Variants in RGR observed in about 807,000 individuals in gnomAD.
RGR encodes the protein retinal G protein coupled receptor, also known as RPE-retinal G protein-coupled receptor.
A neutral mutation model predicts 28.6 loss-of-function variants in RGR; 30 were observed. The ratio of observed to expected loss-of-function variants is 1.05; its 90% CI spans 0.78 to 1.42. RGR has a LOEUF of 1.42. Among genes scored for constraint, RGR ranks in the 40% most tolerant of loss-of-function variants. RGR has a pLI of 0.00. For synonymous variants in RGR, 180 were observed against 156.4 expected (o/e 1.15, Z -1.13); for missense variants, 404 against 375.6 (o/e 1.08, Z -0.62).
intron 3 of RGR, chr10:84,250,663 A>AAAGGGGAAT: frequency 1.9e-6 from 1 of 536,798 alleles, no homozygotes; most frequent in Non-Finnish European, 3.3e-6. Flanking sequence ...ATGGCAGAGC[A>AAAGGGGAAT]GTGTGAAGGC....
chr10:84,254,531 C>A, intron 5 of RGR, 88 bp downstream of exon 5: 2 of 1,063,528 alleles, frequency 1.9e-6, no homozygotes, highest in Non-Finnish European at 2.9e-6. Context: ...ATGTGACACA[C>A]ACAAACAGCA....
At chr10:84,250,491 C>T in intron 3 of RGR, 1 of 714,032 alleles carries the variant, frequency 1.4e-6, no homozygotes, top group Non-Finnish European at 2.6e-6. Context: ...CAGCCCCTGC[C>T]CCTAATGCTC....
intron 6 of RGR, 27 bp from the exon 7 acceptor site, chr10:84,258,481 C>T: frequency 6.2e-7 from 1 of 1,614,120 alleles, no homozygotes; most frequent in Non-Finnish European, 8.5e-7. Flanking sequence ...TTTGAAGCTT[C>T]TTTTCTGGAC....
chr10:84,257,759 T>G (rs1321863088), intron 5 of RGR, 134 bp from the exon 6 acceptor site: 1 of 728,984 alleles, frequency 1.4e-6, no homozygotes, highest in Non-Finnish European at 2.5e-6. Context: ...CAAGTTCCCC[T>G]GCAGACTCAG....
At chr10:84,249,406 G>T (rs1424378456) in intron 3 of RGR, among the ~76,000 whole-genome samples, 1 of 152,176 alleles carries the variant, frequency 6.6e-6, no homozygotes, top group Non-Finnish European at 1.5e-5. Flanking sequence ...TCGGCCTTCT[G>T]GTTTCAAGTG....
At chr10:84,248,688 A>T in intron 2 of RGR, 1 of 639,550 alleles carries the variant, frequency 1.6e-6, no homozygotes, top group Non-Finnish European at 2.8e-6. Context: ...GAGAGAGCCT[A>T]TGGCCCAACC....
intron 5 of RGR, among the ~76,000 whole-genome samples, chr10:84,256,578 A>G (rs1357308300): frequency 1.3e-5 from 2 of 152,056 alleles, no homozygotes; most frequent in Non-Finnish European, 1.5e-5. Flanking sequence ...GTGCAAATCT[A>G]TTTTAGCTGG....
At chr10:84,254,704 A>G (rs1247456920) in intron 5 of RGR, among the ~76,000 whole-genome samples, 3 of 152,110 alleles carry the variant, frequency 2.0e-5, no homozygotes, top group African/African-American at 7.2e-5. Flanking sequence ...AAGGCTGCCT[A>G]ATCTCTAGCC....
intron 3 of RGR, chr10:84,251,076 A>G (rs1842812142): frequency 6.6e-6 from 1 of 152,026 alleles, no homozygotes; most frequent in Non-Finnish European, 1.5e-5. Flanking sequence ...CTCTACTAAA[A>G]ATACAAGAAT....
rs1460861035 is a variant in RGR at position 84,245,083 on chromosome 10, G to A, written c.-8G>A. ...CAGCTGGGCCACTGGCAGTGAGGGA[G>A]AGTGAGGATGGCAGAGACCAGTGCC... On this transcript the variant is annotated 5_prime_UTR_variant, in exon 1 of 7. Coordinates refer to ENST00000652092, the MANE Select transcript of RGR (RefSeq NM_001012720.2). 6.2e-7 allele frequency: 1 copy of A among 1,613,470 alleles called. No individual in the cohort carries two copies. The highest frequency in any genetic ancestry group is 8.5e-7 in the Non-Finnish European group (1 of 1,179,778).
rs148991807 is a variant in RGR, at chr10:84,248,958, C to T, written c.273C>T (p.His91=). The T allele has an allele frequency of 3.4e-5, 55 of 1,614,038 alleles. No homozygotes were observed. Among genetic ancestry groups the T allele is most frequent in the Non-Finnish European group, 4.0e-5 (47 of 1,180,036 alleles). The change falls in exon 3 of 7, where the codon CAC becomes CAT. Residue 91 remains histidine (H), a synonymous_variant. Transcript: ENST00000652092. ...WPYGSDGCQA[H]GFQGFVTALA... is the part of the protein sequence containing the mutation. ...ACGGCTCGGACGGCTGCCAGGCTCA[C>T]GGCTTCCAGGGCTTTGTGACAGCGT...
In RGR at chr10:84,259,770, T is replaced by C. The variant is rs1249241247; in HGVS notation, c.*1131T>C. On this transcript the variant is annotated 3_prime_UTR_variant, in exon 7 of 7. Coordinates refer to ENST00000652092, the MANE Select transcript of RGR (RefSeq NM_001012720.2). The stretch of plus-strand genomic sequence containing the variant: ...GATTTTTTTTGTTGAGTTATTTGAG[T>C]TTCTTATATATTCTGGATAATAGTC... 1.3e-5 allele frequency: 2 copies of C among 152,120 alleles called. No individual in the cohort carries two copies. Among genetic ancestry groups the C allele is most frequent in the African/African-American group, 4.8e-5 (2 of 41,426 alleles). 9.4% of individuals were successfully genotyped at this position (152,120 alleles called of 1,614,324 possible). A position where few individuals can be genotyped will look rare whatever the true frequency, so the allele number is the denominator to read the frequency against.
intron 4 of RGR, among the ~76,000 whole-genome samples, chr10:84,253,917 G>A (rs368909865): frequency 6.6e-6 from 1 of 152,162 alleles, no homozygotes; most frequent in African/African-American, 2.4e-5. Context: ...CTTCTGTGGT[G>A]CCTTCAACCA....
chr10:84,249,136 G>A (rs973436547), intron 3 of RGR, 93 bp downstream of exon 3: 29 of 1,552,530 alleles, frequency 1.9e-5, no homozygotes, highest in Admixed American at 3.4e-5. Flanking sequence ...CTACTGCTCC[G>A]TGTTTCCCAG....
At position 84,258,669 on chromosome 10, in the gene RGR, A is replaced by G; in HGVS notation, c.*30A>G. The G allele has an allele frequency of 6.2e-7, 1 of 1,613,656 alleles. No homozygotes were observed. Among genetic ancestry groups the G allele is most frequent in the Non-Finnish European group, 8.5e-7 (1 of 1,179,854 alleles). ...GCCACCCTGGAGTGAGCCCCAGGCCAGGAGGCTGTTCCAGGAGTCCTGCCC... is the reference window on the plus strand; with the variant it reads ...GCCACCCTGGAGTGAGCCCCAGGCCGGGAGGCTGTTCCAGGAGTCCTGCCC... On this transcript the variant is annotated 3_prime_UTR_variant, in exon 7 of 7. Transcript: ENST00000652092.
Position 84,258,510 on chromosome 10 carries a change from G to A in RGR, c.747G>A (p.Val249=), listed in dbSNP as rs957318154. The change falls in exon 7 of 7, where the codon GTG becomes GTA. Residue 249 remains valine, a splice_region_variant and synonymous_variant. Coordinates refer to ENST00000652092, the MANE Select transcript of RGR (RefSeq NM_001012720.2). The part of the protein sequence containing the change: ...VTSISPKLQM[V]PALIAKMVPT... ...TCTGGACTTTTCTGCCACAACAGGT[G>A]CCCGCCCTCATTGCCAAAATGGTGC... 1.3e-5 allele frequency: 21 copies of A among 1,614,078 alleles called. No homozygotes were observed. Among genetic ancestry groups the A allele is most frequent in the Non-Finnish European group, 1.7e-5 (20 of 1,180,024 alleles).
At position 84,245,179 on chromosome 10, in the gene RGR, G is replaced by C. The variant is rs777050692; in HGVS notation, c.79+10G>C. The stretch of plus-strand genomic sequence containing the variant: ...GTGCTACTGGTGGAAGGTGAGCCAG[G>C]CAGAACCTGGGGTGCAGCGGGGGCC... On this transcript the variant is annotated intron_variant, in intron 1 of 6. Coordinates refer to ENST00000652092, the MANE Select transcript of RGR (RefSeq NM_001012720.2). The C allele has an allele frequency of 3.1e-6, 5 of 1,611,770 alleles. No individual in the cohort carries two copies.
At chr10:84,250,428 G>T (rs1436624370) in intron 3 of RGR, 1 of 717,006 alleles carries the variant, frequency 1.4e-6, no homozygotes, top group East Asian at 2.7e-5. Context: ...GTGGCGATAG[G>T]TTAGCCCTCT....
In RGR at chr10:84,247,652, G is replaced by A. The variant is rs1453080823; in HGVS notation, c.141G>A (p.Leu47=). 1.2e-6 allele frequency: 2 copies of A among 1,614,166 alleles called. No individual in the cohort carries two copies. The highest frequency in any genetic ancestry group is 2.2e-5 in the East Asian group (1 of 44,880). ...TCTCTTTCTGCAAGACCCCGGAGCT[G>A]CGGACTCCCTGCCACCTACTGGTGC... The part of the protein sequence containing the change: ...TIFSFCKTPE[L]RTPCHLLVLS... The change falls in exon 2 of 7, where the codon CTG becomes CTA. Residue 47 remains leucine, a synonymous_variant. Transcript: ENST00000652092.
Sources: gnomAD v4.1 joint callset for allele counts (sites outside exome capture counted in the v4.1 genomes callset) on GRCh38, gnomAD v4.1.1 for gene constraint, MANE v1.5 for transcripts, NCBI Gene and HGNC (gene_info 2026-07-23, HGNC 2026-07-21) for gene names.